Variants in LRRC31 observed in about 807,000 individuals in gnomAD.
LRRC31 encodes the protein leucine rich repeat containing 31, also known as leucine-rich repeat-containing protein 31.
A neutral mutation model predicts 46.7 loss-of-function variants in LRRC31; 35 were observed. The observed-to-expected ratio is 0.75, with a 90% CI of 0.57 to 0.99. The LOEUF (loss-of-function observed/expected upper bound fraction) is 0.99, where lower values mean the gene tolerates loss of function less well. LRRC31 is among the 50% of genes least tolerant of loss of function. The pLI is 0.00. For synonymous variants in LRRC31, 236 were observed against 235.1 expected (o/e 1.00, Z -0.03); for missense variants, 613 against 626.1 (o/e 0.98, Z 0.22).
chr3:169,861,513 C>T (rs1360775152), intron 2 of LRRC31, among the ~76,000 whole-genome samples, 157 bp downstream of exon 2: 2 of 149,878 alleles, frequency 1.3e-5, no homozygotes, highest in Admixed American at 6.7e-5. Flanking sequence ...AGCGAGACTC[C>T]GTCTCAAAAA....
intron 8 of LRRC31, among the ~76,000 whole-genome samples, chr3:169,843,770 T>G (rs953665080): frequency 1.3e-5 from 2 of 152,138 alleles, no homozygotes; most frequent in Admixed American, 6.5e-5. Flanking sequence ...ATATCAGGAA[T>G]GAGACAGGTG....
Position 169,840,133 on chromosome 3 carries a change from C to T in LRRC31, c.1508G>A (p.Arg503Lys), listed in dbSNP as rs1162967270. 1 of 1,614,136 alleles carries T rather than the reference C, an allele frequency of 6.2e-7. No homozygotes were observed. The highest frequency in any genetic ancestry group is 8.5e-7 in the Non-Finnish European group (1 of 1,180,026). ...CTTGGTCACAGCATATAACAAGTGT[C>T]TAAACCATTGTCCACAATCTCGAAA... ...SNFRDCGQWF[R>K]HLLYAVTKLP... is the part of the protein sequence containing the mutation. Residue 503 changes from arginine to lysine, a missense_variant, in exon 9 of 9, where the codon AGA (arginine) becomes AAA (lysine). Physicochemically the swap from Arg to Lys is conservative, Grantham distance 26. Transcript: ENST00000316428.
chr3:169,846,429 CACCTGAGGT>C (rs1780605102), intron 8 of LRRC31, among the ~76,000 whole-genome samples: 2 of 152,186 alleles, frequency 1.3e-5, no homozygotes, highest in Non-Finnish European at 2.9e-5. Flanking sequence ...GCGGGTGGAT[CACCTGAGGT>C]CAGGTGTTTG....
chr3:169,852,518 A>G (rs1215574583), intron 6 of LRRC31, among the ~76,000 whole-genome samples: 1 of 152,186 alleles, frequency 6.6e-6, no homozygotes, highest in African/African-American at 2.4e-5. Context: ...CCTGGCACAT[A>G]CTAACTGCTC....
At chr3:169,861,413 G>T (rs1432233796) in intron 2 of LRRC31, among the ~76,000 whole-genome samples, 2 of 151,486 alleles carry the variant, frequency 1.3e-5, no homozygotes, top group African/African-American at 2.4e-5. Context: ...AAACCTACTC[G>T]GGAGGCTGAG....
In LRRC31 at chr3:169,856,747, G is replaced by A; in HGVS notation, c.613C>T (p.Leu205Phe). 1 of 1,605,980 alleles carries A rather than the reference G, an allele frequency of 6.2e-7. No homozygotes were observed. Among genetic ancestry groups the A allele is most frequent in the South Asian group, 1.1e-5 (1 of 89,514 alleles). ...TCTGACGTGAGGGAGCAATCCACAA[G>A]CTCAATCATTTGTATCTTGCTCCCT... is the stretch of plus-strand genomic sequence containing the variant. Reference protein sequence around the residue: ...QKGSKIQMIELVDCSLTSEDG... With the variant: ...QKGSKIQMIEFVDCSLTSEDG... The change falls in exon 4 of 9, where the codon CTT becomes TTT. Residue 205 changes from leucine to phenylalanine, a missense_variant. Physicochemically the swap from Leu to Phe is conservative, Grantham distance 22. Coordinates refer to ENST00000316428, the MANE Select transcript of LRRC31 (RefSeq NM_024727.4).
At chr3:169,849,115 A>G (rs1489733688) in intron 7 of LRRC31, among the ~76,000 whole-genome samples, 3 of 152,254 alleles carry the variant, frequency 2.0e-5, no homozygotes, top group South Asian at 2.1e-4. Flanking sequence ...GTTGCCCCCA[A>G]TGTTAAAATT....
Position 169,869,886 on chromosome 3 carries a change from A to C in LRRC31, c.-79T>G. ...TTTCTAGGATTTCTAAGAAGAAAAG[A>C]AGATTCTGTCAAGCCTGTGTTCAAT... On this transcript the variant is annotated 5_prime_UTR_variant, in exon 1 of 9. Coordinates refer to ENST00000316428, the MANE Select transcript of LRRC31 (RefSeq NM_024727.4). 1 of 1,344,682 alleles carries C rather than the reference A, an allele frequency of 7.4e-7. No individual in the cohort carries two copies. Among genetic ancestry groups the C allele is most frequent in the Non-Finnish European group, 1.0e-6 (1 of 993,994 alleles). 83.3% of individuals were successfully genotyped at this position (1,344,682 alleles called of 1,614,324 possible).
Position 169,848,238 on chromosome 3 carries a change from C to A in LRRC31, c.1209G>T (p.Trp403Cys). The A allele has an allele frequency of 6.2e-7, 1 of 1,614,140 alleles. No homozygotes were observed. Among genetic ancestry groups the A allele is most frequent in the Non-Finnish European group, 8.5e-7 (1 of 1,180,014 alleles). The change falls in exon 8 of 9, where the codon TGG becomes TGT. Residue 403 changes from tryptophan (W) to cysteine (C), a missense_variant. Transcript: ENST00000316428. ...TCAAGTTGCCACCAACACACTTGTT[C>A]CAAGAAAGGTTGAATACTTCCAGAG... ...LSALEVFNLSWNKCVGGNLKL... is the reference protein window; with the variant it reads ...LSALEVFNLSCNKCVGGNLKL...
chr3:169,842,171 G>A (rs1295301225), intron 8 of LRRC31, among the ~76,000 whole-genome samples: 3 of 151,706 alleles, frequency 2.0e-5, no homozygotes, highest in Admixed American at 1.3e-4. Context: ...ATCTAGGTAG[G>A]GGAAATGTAG....
At chr3:169,843,347 T>A (rs1010341307) in intron 8 of LRRC31, among the ~76,000 whole-genome samples, 2 of 152,186 alleles carry the variant, frequency 1.3e-5, no homozygotes, top group Non-Finnish European at 2.9e-5. Flanking sequence ...CTCGACTCTG[T>A]CAACAAGAAT....
intron 1 of LRRC31, among the ~76,000 whole-genome samples, chr3:169,863,756 G>T (rs1296174426): frequency 6.6e-6 from 1 of 152,138 alleles, no homozygotes; most frequent in African/African-American, 2.4e-5. Flanking sequence ...AAATCGACAA[G>T]GAATTGTTTT....
intron 8 of LRRC31, among the ~76,000 whole-genome samples, chr3:169,841,185 G>A (rs1386733954): frequency 6.6e-6 from 1 of 152,194 alleles, no homozygotes; most frequent in African/African-American, 2.4e-5. Flanking sequence ...CTCCTAGCGG[G>A]AGGAAGCCCT....
intron 1 of LRRC31, among the ~76,000 whole-genome samples, chr3:169,867,372 C>G (rs962612008): frequency 2.6e-5 from 4 of 151,486 alleles, no homozygotes; most frequent in Non-Finnish European, 4.4e-5. Flanking sequence ...ATTCTCCTGC[C>G]TCAGCCTCCC....
At chr3:169,863,415 T>C (rs760244614) in intron 1 of LRRC31, among the ~76,000 whole-genome samples, 1 of 152,152 alleles carries the variant, frequency 6.6e-6, no homozygotes, top group East Asian at 1.9e-4. Flanking sequence ...AAGAAATACA[T>C]TGGTACCTGT....
At chr3:169,846,230 A>C (rs1780600415) in intron 8 of LRRC31, among the ~76,000 whole-genome samples, 1 of 152,244 alleles carries the variant, frequency 6.6e-6, no homozygotes, top group African/African-American at 2.4e-5. Flanking sequence ...TATTTCAATG[A>C]GATTGAAATG....
chr3:169,847,807 T>C (rs944570813), intron 8 of LRRC31, among the ~76,000 whole-genome samples: 1 of 151,774 alleles, frequency 6.6e-6, no homozygotes, highest in Non-Finnish European at 1.5e-5. Context: ...TGTGGATGGG[T>C]GAGATGTAGA....
At position 169,839,665 on chromosome 3, in the gene LRRC31, G is replaced by T. The variant is rs950423593; in HGVS notation, c.*317C>A. 6.6e-6 allele frequency: 1 copy of T among 151,726 alleles called. No homozygotes were observed. Among genetic ancestry groups the T allele is most frequent in the African/African-American group, 2.4e-5 (1 of 41,266 alleles). The allele number at this position is 151,726 out of a possible 1,614,324, so 9.4% of individuals were successfully genotyped here. A position where few individuals can be genotyped will look rare whatever the true frequency, so the allele number is the denominator to read the frequency against. On this transcript the variant is annotated 3_prime_UTR_variant, in exon 9 of 9. Coordinates refer to ENST00000316428, the MANE Select transcript of LRRC31 (RefSeq NM_024727.4). The stretch of plus-strand genomic sequence containing the variant: ...TTGGCAAGGCTTCTAAACAGCAAAT[G>T]AACTAATTATATATCCAAAACAAAT...
chr3:169,868,814 A>G (rs899758053), intron 1 of LRRC31, among the ~76,000 whole-genome samples: 12 of 152,194 alleles, frequency 7.9e-5, no homozygotes, highest in Non-Finnish European at 1.5e-4. Context: ...TTTAGTCTCA[A>G]AAGTCTTAAA....
Sources: gnomAD v4.1 joint callset for allele counts (sites outside exome capture counted in the v4.1 genomes callset) on GRCh38, gnomAD v4.1.1 for gene constraint, MANE v1.5 for transcripts, NCBI Gene and HGNC (gene_info 2026-07-23, HGNC 2026-07-21) for gene names.